LPP: variants seen among roughly 807,000 people sequenced by gnomAD.
The protein encoded by LPP is LIM domain containing preferred translocation partner in lipoma, also known as lipoma-preferred partner.
In LPP, 38 loss-of-function variants were observed where a neutral mutation model predicts 60.4. The ratio of observed to expected loss-of-function variants is 0.63; its 90% CI spans 0.49 to 0.83. The LOEUF (loss-of-function observed/expected upper bound fraction) is 0.83, where lower values mean the gene tolerates loss of function less well. Ranked by LOEUF, LPP falls within the 40% of genes least tolerant of loss-of-function variation. LPP has a pLI of 0.00. For synonymous variants in LPP, 328 were observed against 290.8 expected, an observed-to-expected ratio of 1.13 and a Z score of -1.30; for missense variants, 902 against 783.6, an observed-to-expected ratio of 1.15 and a Z score of -1.80.
rs780461719 is a variant in LPP, at chr3:188,631,249, C to A, written c.1113+21405C>A. The stretch of plus-strand genomic sequence containing the variant: ...TCTTTCTTCTAGCCTGAGTGATAAA[C>A]ATTTTTTATTATTATAGTTTTTAAA... On this transcript the variant is annotated intron_variant, in intron 7 of 11. Coordinates refer to ENST00000617246, the MANE Select transcript of LPP (RefSeq NM_001375462.1). Among the ~76,000 whole-genome samples the A allele has an allele frequency of 1.7e-3, 255 of 152,114 alleles. 1 individual carries two copies. The highest frequency in any genetic ancestry group is 5.9e-3 in the African/African-American group (246 of 41,510).
At chr3:188,709,848 A>G (rs768350520) in intron 8 of LPP, 5 of 152,252 alleles carry the variant, frequency 3.3e-5, no homozygotes, top group Non-Finnish European at 7.3e-5. Flanking sequence ...GAAATAAAAG[A>G]CACAAAATAA....
intron 6 of LPP, among the ~76,000 whole-genome samples, chr3:188,581,443 T>A (rs1836079099): frequency 6.6e-6 from 1 of 152,320 alleles, no homozygotes; most frequent in African/African-American, 2.4e-5. Flanking sequence ...CTTGCATTCT[T>A]AACTTGCAAT....
chr3:188,580,307 A>T (rs1835779546), intron 6 of LPP, among the ~76,000 whole-genome samples: 1 of 152,052 alleles, frequency 6.6e-6, no homozygotes, highest in Non-Finnish European at 1.5e-5. Context: ...AAAATTTATA[A>T]AAGATTATCA....
rs573475529 is a variant in LPP, at chr3:188,196,352, T to C, written c.-189-29053T>C. On this transcript the variant is annotated intron_variant, in intron 1 of 11. Coordinates refer to ENST00000617246, the MANE Select transcript of LPP (RefSeq NM_001375462.1). ...CACCGTGTCTTTTGGCATTGTTAGCTTGGTGAGTGACATCGCCCAATCCTG... is the reference window on the plus strand; with the variant it reads ...CACCGTGTCTTTTGGCATTGTTAGCCTGGTGAGTGACATCGCCCAATCCTG... Among the ~76,000 whole-genome samples, 10 of 152,344 alleles carry C rather than the reference T, an allele frequency of 6.6e-5. No homozygotes were observed. In the South Asian group the frequency reaches 2.1e-3, roughly 32 times the overall value.
intron 7 of LPP, among the ~76,000 whole-genome samples, chr3:188,686,715 G>A (rs1371047930): frequency 6.6e-6 from 1 of 152,178 alleles, no homozygotes; most frequent in Non-Finnish European, 1.5e-5. Flanking sequence ...GATTTAGATA[G>A]AAGATGGGAA....
intron 6 of LPP, among the ~76,000 whole-genome samples, chr3:188,581,691 T>C (rs1330093266): frequency 6.6e-6 from 1 of 152,098 alleles, no homozygotes; most frequent in African/African-American, 2.4e-5. Flanking sequence ...AGCCCCTGGT[T>C]ATACCCTGGA....
intron 6 of LPP, among the ~76,000 whole-genome samples, chr3:188,607,116 GACACAC>G (rs34057522): frequency 0.19 from 24,439 of 129,360 alleles, 2,371 homozygotes; most frequent in Admixed American, 0.26. Flanking sequence ...TCTTGGTGAA[GACACAC>G]ACACACACAC....
intron 2 of LPP, among the ~76,000 whole-genome samples, chr3:188,273,589 C>CTTTTTTTTTTTTTTTTTTTTTTTT (rs11380757): frequency 1.2e-5 from 1 of 80,422 alleles, no homozygotes; most frequent in Non-Finnish European, 2.2e-5. Context: ...TATTTTATAT[C>CTTTTTTTTTTTTTTTTTTTTTTTT]TTTTTTTTTT....
In LPP at chr3:188,494,703, C is replaced by G. The variant is rs370958824; in HGVS notation, c.306+9999C>G. Among the ~76,000 whole-genome samples, 106 of 152,050 alleles carry G rather than the reference C, an allele frequency of 7.0e-4. 4 individuals carry two copies. The South Asian group carries it at 0.021, about 30-fold the overall frequency. On this transcript the variant is annotated intron_variant, in intron 5 of 11. Transcript: ENST00000617246. ...TCTAAGCCAAAGAAAGCTTCAGAGA[C>G]AGCATAATGCGATGGTTAACACTGC... is the stretch of plus-strand genomic sequence containing the variant.
intron 6 of LPP, chr3:188,568,781 GA>G (rs1239079906): frequency 6.6e-6 from 1 of 152,042 alleles, no homozygotes; most frequent in Non-Finnish European, 1.5e-5. Context: ...TTCTGGAAGA[GA>G]AAAGAAAATA....
intron 2 of LPP, among the ~76,000 whole-genome samples, chr3:188,248,218 G>T (rs1304289317): frequency 2.0e-5 from 3 of 151,878 alleles, no homozygotes; most frequent in South Asian, 4.2e-4. Context: ...TCTTGAAAAG[G>T]CTTACAAGCC....
chr3:188,512,106 C>T (rs182508968), intron 5 of LPP, among the ~76,000 whole-genome samples: 12 of 152,278 alleles, frequency 7.9e-5, no homozygotes, highest in African/African-American at 1.2e-4. Context: ...GGAATAGCGA[C>T]GTAAATTCCC....
intron 6 of LPP, among the ~76,000 whole-genome samples, chr3:188,527,687 G>C (rs1386427989): frequency 6.6e-6 from 1 of 151,618 alleles, no homozygotes; most frequent in Non-Finnish European, 1.5e-5. Flanking sequence ...CTGAAGACAG[G>C]AAGGCCACTG....
chr3:188,442,866 TGAA>T (rs972979417), intron 4 of LPP, among the ~76,000 whole-genome samples: 8 of 151,840 alleles, frequency 5.3e-5, no homozygotes, highest in South Asian at 2.1e-4. Context: ...GCTGGCTCTG[TGAA>T]GAAGAAGAAG....
chr3:188,314,031 G>C (rs1006440908), intron 2 of LPP, among the ~76,000 whole-genome samples: 21 of 152,084 alleles, frequency 1.4e-4, no homozygotes, highest in African/African-American at 4.3e-4. Flanking sequence ...AATTTTTTTT[G>C]AGTTTCTAGT....
At chr3:188,477,764 T>C (rs1257892124) in intron 4 of LPP, among the ~76,000 whole-genome samples, 2 of 152,254 alleles carry the variant, frequency 1.3e-5, no homozygotes, top group African/African-American at 4.8e-5. Context: ...TTGCAAAATT[T>C]AGCTTCATAG....
At chr3:188,529,493 T>C (rs1204229520) in intron 6 of LPP, among the ~76,000 whole-genome samples, 1 of 152,206 alleles carries the variant, frequency 6.6e-6, no homozygotes, top group Admixed American at 6.6e-5. Flanking sequence ...ATGATATATA[T>C]GTGGAATGTT....
At chr3:188,464,487 T>G (rs1453149944) in intron 4 of LPP, among the ~76,000 whole-genome samples, 2 of 152,214 alleles carry the variant, frequency 1.3e-5, no homozygotes, top group Admixed American at 6.5e-5. Context: ...AGTGTCCATC[T>G]AGATGATTCT....
chr3:188,782,469 TATC>T (rs749426917), intron 9 of LPP, among the ~76,000 whole-genome samples: 2 of 152,208 alleles, frequency 1.3e-5, no homozygotes, highest in Non-Finnish European at 2.9e-5. Flanking sequence ...AGGGAATACT[TATC>T]ATGTTGAATT....
Sources: allele counts gnomAD v4.1 joint callset (sites outside exome capture counted in the v4.1 genomes callset), GRCh38; gene constraint gnomAD v4.1.1; transcripts MANE v1.5; gene names NCBI Gene and HGNC (gene_info 2026-07-23, HGNC 2026-07-21).